MID1: variants seen among roughly 807,000 people sequenced by gnomAD.
MID1 encodes the protein midline 1.
MID1 carries 7 observed loss-of-function variants against 40.4 expected under a neutral mutation model. The ratio of observed to expected loss-of-function variants is 0.17; its 90% CI spans 0.10 to 0.33. The LOEUF is 0.33. MID1 is among the 10% of genes least tolerant of loss of function. The probability of loss-of-function intolerance (pLI) is 1.00; values close to 1 mark genes in which losing one functional copy is unlikely to be tolerated. For synonymous variants in MID1, 229 were observed against 221.2 expected, an observed-to-expected ratio of 1.04 and a Z score of -0.31; for missense variants, 367 against 558.5, an observed-to-expected ratio of 0.66 and a Z score of 3.46.
chrX:10,626,415 C>T (rs1935996730), intron 1 of MID1, among the ~76,000 whole-genome samples: 1 of 109,888 alleles, frequency 9.1e-6, no homozygotes, highest in African/African-American at 3.3e-5. Context: ...TCATATTGCA[C>T]TACAGCCTCA....
intron 1 of MID1, among the ~76,000 whole-genome samples, chrX:10,588,093 A>T (rs1311148790): frequency 8.9e-6 from 1 of 112,224 alleles, no homozygotes; most frequent in African/African-American, 3.2e-5. Flanking sequence ...ACTTTAGCTA[A>T]TATGTTTACA....
intron 1 of MID1, among the ~76,000 whole-genome samples, chrX:10,657,360 T>C (rs1411970926): frequency 3.6e-5 from 4 of 111,777 alleles, no homozygotes; most frequent in African/African-American, 6.5e-5. Context: ...AAGATAATAA[T>C]CCACCCAGTA....
At position 10,740,274 on chromosome X, in the gene MID1, G is replaced by A. The variant is rs140844957; in HGVS notation, c.-187+93280C>T. ...ACATATGACTTGGGGTTGGCTACAC[G>A]TCCACGTGGAATTTTCCCAACATTG... is the stretch of plus-strand genomic sequence containing the variant. On this transcript the variant is annotated intron_variant, in intron 1 of 10. Coordinates refer to the MID1 transcript ENST00000380785. Among the ~76,000 whole-genome samples the A allele has an allele frequency of 1.2e-3, 137 of 112,972 alleles. 1 individual carries two copies. The East Asian group carries it at 0.024, about 20-fold the overall frequency.
intron 2 of MID1, among the ~76,000 whole-genome samples, chrX:10,552,942 C>T (rs1602392933): frequency 8.9e-6 from 1 of 112,001 alleles, no homozygotes; most frequent in East Asian, 2.8e-4. Context: ...AAATCAGACT[C>T]TAAACCTGTC....
chrX:10,602,431 T>A lies in MID1; in HGVS notation c.-57+17859A>T, dbSNP rs770920605. Among the ~76,000 whole-genome samples, 377 of 109,910 alleles carry A rather than the reference T, an allele frequency of 3.4e-3. 2 individuals are homozygous for A. The highest frequency in any genetic ancestry group is 0.012 in the African/African-American group (357 of 30,099). The stretch of plus-strand genomic sequence containing the variant: ...ACTACTTAATTCCAGAGCATTTTCA[T>A]CACTCCCAAAAGAAACCCCATACCC... On this transcript the variant is annotated intron_variant, in intron 1 of 9. Transcript: ENST00000317552.
rs559676202 is a variant in MID1 at position 10,542,141 on chromosome X, A to G, written c.661-18954T>C. On this transcript the variant is annotated intron_variant, in intron 2 of 9. Coordinates refer to ENST00000317552, the MANE Select transcript of MID1 (RefSeq NM_000381.4). ...TAAACATTACCAATGTACATATAAGAAGCATGTTAAAACAAAACAAAACAT... is the reference window on the plus strand; with the variant it reads ...TAAACATTACCAATGTACATATAAGGAGCATGTTAAAACAAAACAAAACAT... Among the ~76,000 whole-genome samples the G allele has an allele frequency of 5.3e-5, 6 of 112,384 alleles. No individual in the cohort carries two copies. In the South Asian group the frequency reaches 2.2e-3, roughly 42 times the overall value.
At chrX:10,487,510 C>T (rs1465831676) in intron 4 of MID1, among the ~76,000 whole-genome samples, 2 of 111,496 alleles carry the variant, frequency 1.8e-5, no homozygotes, top group Non-Finnish European at 3.8e-5. Flanking sequence ...ATAAACAGTA[C>T]ATACTTAAAG....
At chrX:10,473,722 C>T (rs1929844434) in intron 6 of MID1, among the ~76,000 whole-genome samples, 2 of 112,500 alleles carry the variant, frequency 1.8e-5, no homozygotes, top group South Asian at 7.3e-4. Context: ...TCTGGCTTCA[C>T]TGTGTACATT....
intron 1 of MID1, among the ~76,000 whole-genome samples, chrX:10,696,167 C>T (rs956410563): frequency 2.2e-4 from 24 of 111,559 alleles, no homozygotes; most frequent in Non-Finnish European, 4.5e-4. Context: ...AGCATGCACA[C>T]TAAGAGGAAA....
intron 1 of MID1, chrX:10,582,847 C>T (rs1182384134): frequency 8.9e-6 from 1 of 111,895 alleles, no homozygotes; most frequent in Non-Finnish European, 1.9e-5. Flanking sequence ...TAGACTAAAA[C>T]TGGAATGATA....
At chrX:10,786,585 T>C (rs1889374936) in intron 1 of MID1, among the ~76,000 whole-genome samples, 1 of 110,685 alleles carries the variant, frequency 9.0e-6, no homozygotes, top group Non-Finnish European at 1.9e-5. Context: ...GCAACAATGA[T>C]AGACTGGATG....
At chrX:10,650,811 T>C (rs1401442096) in intron 1 of MID1, among the ~76,000 whole-genome samples, 1 of 111,010 alleles carries the variant, frequency 9.0e-6, no homozygotes, top group Admixed American at 9.6e-5. Flanking sequence ...TGTGAGTTGA[T>C]TTTTCAACAA....
intron 1 of MID1, among the ~76,000 whole-genome samples, chrX:10,765,485 G>A (rs1056279537): frequency 8.9e-6 from 1 of 112,472 alleles, no homozygotes; most frequent in South Asian, 3.7e-4. Context: ...GATTGATCAA[G>A]CCATGGGGTT....
intron 1 of MID1, among the ~76,000 whole-genome samples, chrX:10,584,029 T>TA (rs1272909418): frequency 0.018 from 1,788 of 96,960 alleles, 25 homozygotes; most frequent in African/African-American, 0.05. Context: ...AGACTCCATC[T>TA]AAAAAAAAAA....
At chrX:10,536,118 C>T (rs907493780) in intron 2 of MID1, among the ~76,000 whole-genome samples, 3 of 110,496 alleles carry the variant, frequency 2.7e-5, no homozygotes, top group Non-Finnish European at 3.8e-5. Flanking sequence ...CCAGCAACTC[C>T]GGAGGATGAG....
At chrX:10,599,638 A>G (rs1459552192) in intron 1 of MID1, among the ~76,000 whole-genome samples, 2 of 112,328 alleles carry the variant, frequency 1.8e-5, no homozygotes, top group African/African-American at 3.2e-5. Flanking sequence ...TTTGTAAAAG[A>G]ATAATAGTAA....
At chrX:10,638,659 G>A (rs1405327019) in intron 1 of MID1, among the ~76,000 whole-genome samples, 2 of 111,811 alleles carry the variant, frequency 1.8e-5, no homozygotes, top group East Asian at 5.6e-4. Flanking sequence ...AGAGAGTAGT[G>A]CTTCTCCCAG....
At position 10,577,663 on chromosome X, in the gene MID1, TATTTAA is replaced by T. The variant is rs770599206; in HGVS notation, c.-56-10066_-56-10061del. On this transcript the variant is annotated intron_variant, in intron 1 of 9. Coordinates refer to ENST00000317552, the MANE Select transcript of MID1 (RefSeq NM_000381.4). Reference sequence around the variant, plus strand: ...CATCGTGTGTGTATATATATATATATATTTAATATTACATACACGGTATATATATAA... The same window carrying T: ...CATCGTGTGTGTATATATATATATATTATTACATACACGGTATATATATAA... Among the ~76,000 whole-genome samples, 34 of 108,972 alleles carry T rather than the reference TATTTAA, an allele frequency of 3.1e-4. 2 individuals are homozygous for T. In the South Asian group the frequency reaches 0.013, roughly 42 times the overall value. 94.6% of individuals were successfully genotyped at this position (108,972 alleles called of 115,157 possible). A position where few individuals can be genotyped will look rare whatever the true frequency, so the allele number is the denominator to read the frequency against.
intron 1 of MID1, among the ~76,000 whole-genome samples, chrX:10,702,880 T>C (rs1453467788): frequency 1.8e-5 from 2 of 111,770 alleles, no homozygotes; most frequent in Non-Finnish European, 3.8e-5. Context: ...AGTTTCCTTA[T>C]AAGAAGAGAC....
Sources: gnomAD v4.1 joint callset for allele counts (sites outside exome capture counted in the v4.1 genomes callset) on GRCh38, gnomAD v4.1.1 for gene constraint, MANE v1.5 for transcripts, NCBI Gene and HGNC (gene_info 2026-07-23, HGNC 2026-07-21) for gene names.